MPP7: variants seen among roughly 807,000 people sequenced by gnomAD.
MPP7 encodes MAGUK p55 subfamily member 7.
Under a neutral mutation model 76.5 loss-of-function variants are expected in MPP7, and 60 were observed. The observed-to-expected ratio is 0.78, with a 90% confidence interval of 0.64 to 0.97. The LOEUF (loss-of-function observed/expected upper bound fraction) is 0.97, where lower values mean the gene tolerates loss of function less well. Among genes scored for constraint, MPP7 ranks in the 50% least tolerant of loss-of-function variants. The pLI is 0.00. For missense variants in MPP7, 641 were observed against 694.0 expected (o/e 0.92, Z 0.86); for synonymous variants, 237 against 244.5 (o/e 0.97, Z 0.29).
At chr10:28,313,507 G>A (rs988282506) in intron 2 of MPP7, among the ~76,000 whole-genome samples, 1 of 124,412 alleles carries the variant, frequency 8.0e-6, no homozygotes. Flanking sequence ...CTCTGTCTCA[G>A]AAAGATAAAA....
At chr10:28,243,384 G>C (rs1174045725) in intron 1 of MPP7, among the ~76,000 whole-genome samples, 1 of 147,860 alleles carries the variant, frequency 6.8e-6, no homozygotes, top group East Asian at 2.1e-4. Context: ...ACCCACGGTG[G>C]TATTAACAAA....
At chr10:28,157,159 G>A (rs1259464361) in intron 3 of MPP7, among the ~76,000 whole-genome samples, 2 of 152,218 alleles carry the variant, frequency 1.3e-5, no homozygotes, top group African/African-American at 2.4e-5. Context: ...GCAGTGAGCC[G>A]AGATCATGCC....
intron 2 of MPP7, among the ~76,000 whole-genome samples, chr10:28,309,909 A>G (rs1463215012): frequency 6.6e-6 from 1 of 151,878 alleles, no homozygotes; most frequent in Non-Finnish European, 1.5e-5. Context: ...TTCTGCCATG[A>G]ATAAAAGCTC....
At chr10:28,164,018 G>C (rs1395801561) in intron 3 of MPP7, among the ~76,000 whole-genome samples, 1 of 152,096 alleles carries the variant, frequency 6.6e-6, no homozygotes, top group Non-Finnish European at 1.5e-5. Context: ...ATCAAATGTA[G>C]AGGAGATACA....
intron 2 of MPP7, among the ~76,000 whole-genome samples, chr10:28,231,900 T>C (rs1426455972): frequency 6.6e-6 from 1 of 152,050 alleles, no homozygotes; most frequent in Non-Finnish European, 1.5e-5. Flanking sequence ...TGAAATTCGG[T>C]AAAGAATGAA....
At chr10:28,195,057 C>A (rs1292410712) in intron 3 of MPP7, among the ~76,000 whole-genome samples, 1 of 152,048 alleles carries the variant, frequency 6.6e-6, no homozygotes, top group Admixed American at 6.5e-5. Context: ...AAAAAGAATC[C>A]AATGGGAGAA....
At chr10:28,196,721 T>C (rs1382110536) in intron 3 of MPP7, among the ~76,000 whole-genome samples, 1 of 152,160 alleles carries the variant, frequency 6.6e-6, no homozygotes, top group Non-Finnish European at 1.5e-5. Context: ...GAGAGTTTCA[T>C]ATTTCAATGA....
intron 3 of MPP7, among the ~76,000 whole-genome samples, chr10:28,183,065 C>T (rs183250059): frequency 4.5e-4 from 69 of 152,086 alleles, no homozygotes; most frequent in African/African-American, 1.6e-3. Context: ...GCAACAAGAG[C>T]GAAACGCCAT....
chr10:28,139,550 T>C (rs1261016418), intron 5 of MPP7, among the ~76,000 whole-genome samples: 1 of 152,010 alleles, frequency 6.6e-6, no homozygotes, highest in African/African-American at 2.4e-5. Context: ...CACACAAACA[T>C]CTGTTAAAGG....
At chr10:28,185,746 A>G (rs987868997) in intron 3 of MPP7, among the ~76,000 whole-genome samples, 1 of 152,226 alleles carries the variant, frequency 6.6e-6, no homozygotes, top group Non-Finnish European at 1.5e-5. Flanking sequence ...CGTAATTCTT[A>G]TTTTTTTCTT....
At chr10:28,105,378 G>A (rs1390535982) in intron 11 of MPP7, among the ~76,000 whole-genome samples, 1 of 152,086 alleles carries the variant, frequency 6.6e-6, no homozygotes. Flanking sequence ...ACAAGCACCA[G>A]TACAACTGTT....
intron 1 of MPP7, among the ~76,000 whole-genome samples, chr10:28,291,856 A>G (rs1487390874): frequency 6.6e-6 from 1 of 151,818 alleles, no homozygotes; most frequent in Non-Finnish European, 1.5e-5. Flanking sequence ...TTTATTACTG[A>G]AGAAAAAACA....
chr10:28,259,136 C>T (rs1043247314), intron 1 of MPP7, among the ~76,000 whole-genome samples: 4 of 152,164 alleles, frequency 2.6e-5, no homozygotes, highest in Non-Finnish European at 5.9e-5. Context: ...AGCTGTTTAT[C>T]AGTCACCTAA....
At chr10:28,201,422 G>A (rs565817584) in intron 3 of MPP7, among the ~76,000 whole-genome samples, 1 of 152,070 alleles carries the variant, frequency 6.6e-6, no homozygotes, top group African/African-American at 2.4e-5. Context: ...ACTCCAGAAA[G>A]ACTCTAAATT....
intron 1 of MPP7, among the ~76,000 whole-genome samples, chr10:28,288,347 C>T (rs1840834266): frequency 6.6e-6 from 1 of 152,116 alleles, no homozygotes; most frequent in South Asian, 2.1e-4. Flanking sequence ...TCAAGCAATC[C>T]TCCTGCCTCA....
chr10:28,090,982 A>AAGCACCACCACTTAG (rs1374437491), intron 11 of MPP7, among the ~76,000 whole-genome samples: 3 of 152,088 alleles, frequency 2.0e-5, no homozygotes, highest in Non-Finnish European at 4.4e-5. Context: ...CCCCATCTCT[A>AAGCACCACCACTTAG]CTAAAAATAC....
chr10:28,203,109 T>C lies in MPP7; in HGVS notation c.38-838A>G, dbSNP rs1240442167. ...CCTGGCAGGAGTCAATATCAACTCA[T>C]AGCACATGTTTCATTTTCCAGTGGG... On this transcript the variant is annotated intron_variant, in intron 2 of 16. Transcript: ENST00000683449. 8 of 152,176 alleles carry C rather than the reference T, an allele frequency of 5.3e-5. No homozygotes were observed. In the South Asian group the frequency reaches 1.2e-3, roughly 24 times the overall value. 9.4% of individuals were successfully genotyped at this position (152,176 alleles called of 1,614,324 possible). A position where few individuals can be genotyped will look rare whatever the true frequency, so the allele number is the denominator to read the frequency against.
chr10:28,190,901 A>G (rs1353225357), intron 3 of MPP7, among the ~76,000 whole-genome samples: 2 of 152,074 alleles, frequency 1.3e-5, no homozygotes, highest in Non-Finnish European at 2.9e-5. Context: ...ATAGCCAGGG[A>G]AAAAAGAGAT....
At chr10:28,147,883 G>A (rs1835760910) in intron 4 of MPP7, among the ~76,000 whole-genome samples, 1 of 152,152 alleles carries the variant, frequency 6.6e-6, no homozygotes, top group African/African-American at 2.4e-5. Context: ...AGGACCACTT[G>A]TAAGAAGAAC....
Sources: allele counts gnomAD v4.1 joint callset (sites outside exome capture counted in the v4.1 genomes callset), GRCh38; gene constraint gnomAD v4.1.1; transcripts MANE v1.5; gene names NCBI Gene and HGNC (gene_info 2026-07-23, HGNC 2026-07-21).